TJP1: variants seen among roughly 807,000 people sequenced by gnomAD.
TJP1 encodes the protein tight junction protein 1.
Under a neutral mutation model 194.2 loss-of-function variants are expected in TJP1, and 43 were observed. The observed-to-expected ratio is 0.22, with a 90% CI of 0.17 to 0.29. TJP1 has a LOEUF of 0.29. Ranked by LOEUF, TJP1 falls within the 10% of genes least tolerant of loss-of-function variation. TJP1 has a pLI of 1.00. For missense variants in TJP1, 1,971 were observed against 2,185.7 expected (o/e 0.90, Z 1.96); for synonymous variants, 801 against 779.0 (o/e 1.03, Z -0.47).
At chr15:29,741,489 A>C in intron 9 of TJP1, 53 bp from the exon 10 acceptor site, 2 of 1,223,476 alleles carry the variant, frequency 1.6e-6, no homozygotes, top group Non-Finnish European at 2.4e-6. Flanking sequence ...TGGAATAATA[A>C]TGCAAGCAAC....
At chr15:29,811,305 G>GGA (rs1188969757) in intron 1 of TJP1, among the ~76,000 whole-genome samples, 1 of 151,692 alleles carries the variant, frequency 6.6e-6, no homozygotes, top group Non-Finnish European at 1.5e-5. Flanking sequence ...GGGGGAGAGC[G>GGA]GAGAGAAACT....
At chr15:29,934,914 GA>G (rs1267687236) in intron 2 of TJP1, among the ~76,000 whole-genome samples, 5 of 152,150 alleles carry the variant, frequency 3.3e-5, no homozygotes. Context: ...TTCAGTTCCT[GA>G]AATAGTCAAT....
At chr15:29,907,731 A>G (rs1158677938) in intron 2 of TJP1, among the ~76,000 whole-genome samples, 1 of 152,032 alleles carries the variant, frequency 6.6e-6, no homozygotes, top group Non-Finnish European at 1.5e-5. Flanking sequence ...TAACTTACCC[A>G]TCACATTCAT....
At chr15:29,836,135 A>C (rs974877647) in intron 2 of TJP1, among the ~76,000 whole-genome samples, 2 of 152,194 alleles carry the variant, frequency 1.3e-5, no homozygotes, top group African/African-American at 4.8e-5. Flanking sequence ...AGGAGGAAGT[A>C]AATGTGTGAG....
At chr15:29,769,100 C>A (rs1245288361) in intron 4 of TJP1, among the ~76,000 whole-genome samples, 1 of 151,968 alleles carries the variant, frequency 6.6e-6, no homozygotes, top group African/African-American at 2.4e-5. Flanking sequence ...TTCACAAAAG[C>A]AAAGAGGATA....
intron 1 of TJP1, among the ~76,000 whole-genome samples, chr15:29,821,055 A>G (rs530801050): frequency 6.6e-6 from 1 of 152,354 alleles, no homozygotes; most frequent in Non-Finnish European, 1.5e-5. Flanking sequence ...GATATTCTTT[A>G]AAGGGGAGAT....
At position 29,822,089 on chromosome 15, in the gene TJP1, G is replaced by C; in HGVS notation, c.-61C>G. 3 of 1,241,298 alleles carry C rather than the reference G, an allele frequency of 2.4e-6. No individual in the cohort carries two copies. Among genetic ancestry groups the C allele is most frequent in the Non-Finnish European group, 3.0e-6 (3 of 991,656 alleles). The allele number at this position is 1,241,298 out of a possible 1,614,324, so 76.9% of individuals were successfully genotyped here. On this transcript the variant is annotated 5_prime_UTR_variant, in exon 1 of 28. Coordinates refer to ENST00000614355, the MANE Select transcript of TJP1 (RefSeq NM_001330239.4). ...ACCCGAAACTCCGCGGCGCTGGCCCGCCCGCTCCTCACGCCACAGCCCAAA... is the reference window on the plus strand; with the variant it reads ...ACCCGAAACTCCGCGGCGCTGGCCCCCCCGCTCCTCACGCCACAGCCCAAA...
intron 10 of TJP1, chr15:29,741,006 ATT>A (rs980154124): frequency 2.3e-3 from 392 of 173,244 alleles, no homozygotes; most frequent in South Asian, 3.9e-3. Context: ...AGAAACACTG[ATT>A]TTTTTTTTTT....
chr15:29,750,557 T>C (rs1169940672), intron 8 of TJP1, among the ~76,000 whole-genome samples: 1 of 152,200 alleles, frequency 6.6e-6, no homozygotes, highest in Non-Finnish European at 1.5e-5. Flanking sequence ...AACTGTGCTT[T>C]CTGTCTCCTG....
intron 2 of TJP1, among the ~76,000 whole-genome samples, chr15:29,900,067 G>C (rs532187360): frequency 1.3e-5 from 2 of 152,078 alleles, no homozygotes; most frequent in East Asian, 3.9e-4. Context: ...AACTCAGGGT[G>C]GGGGGATGGC....
intron 2 of TJP1, among the ~76,000 whole-genome samples, chr15:29,879,016 C>A: frequency 6.6e-6 from 1 of 151,634 alleles, no homozygotes; most frequent in Admixed American, 6.6e-5. Context: ...CCCAGCTACT[C>A]GGGAGGCTGA....
intron 2 of TJP1, among the ~76,000 whole-genome samples, chr15:29,864,278 G>GT (rs2052220498): frequency 6.9e-6 from 1 of 144,652 alleles, no homozygotes; most frequent in African/African-American, 2.6e-5. Flanking sequence ...GGGTGTGGTG[G>GT]TGTGTGCCTG....
intron 15 of TJP1, chr15:29,728,380 G>A (rs1300822089): frequency 5.9e-5 from 11 of 186,276 alleles, no homozygotes; most frequent in Non-Finnish European, 1.1e-4. Context: ...GGCACACTGA[G>A]ATAAACTGAG....
intron 2 of TJP1, among the ~76,000 whole-genome samples, chr15:29,936,293 A>G (rs537334706): frequency 6.6e-6 from 1 of 152,310 alleles, no homozygotes; most frequent in African/African-American, 2.4e-5. Flanking sequence ...AAAGACTTCT[A>G]TAGAGAACAT....
At chr15:29,727,111 AG>A (rs2043288837) in intron 16 of TJP1, 120 bp from the exon 17 acceptor site, 1 of 811,082 alleles carries the variant, frequency 1.2e-6, no homozygotes, top group African/African-American at 1.7e-5. Context: ...TGGGAGGTCG[AG>A]GTGGGTGAAT....
chr15:29,962,674 A>C (rs1480436920), intron 1 of TJP1, among the ~76,000 whole-genome samples: 2 of 152,216 alleles, frequency 1.3e-5, no homozygotes, highest in African/African-American at 4.8e-5. Flanking sequence ...CTTTAAAAGG[A>C]TGCTAAATCC....
chr15:29,742,447 T>C (rs937406557), intron 9 of TJP1, among the ~76,000 whole-genome samples, 195 bp downstream of exon 9: 2 of 152,126 alleles, frequency 1.3e-5, no homozygotes, highest in African/African-American at 4.8e-5. Context: ...ATCTAGAAAG[T>C]AAAGGAAAAC....
At chr15:29,951,671 A>T (rs2055757823) in intron 2 of TJP1, among the ~76,000 whole-genome samples, 1 of 152,176 alleles carries the variant, frequency 6.6e-6, no homozygotes, top group African/African-American at 2.4e-5. Flanking sequence ...TTTTTGAAAC[A>T]TGTATCCCTT....
At chr15:29,792,077 T>C (rs1312719705) in intron 2 of TJP1, among the ~76,000 whole-genome samples, 1 of 152,204 alleles carries the variant, frequency 6.6e-6, no homozygotes, top group African/African-American at 2.4e-5. Flanking sequence ...TGTGGGTTGT[T>C]TCTTCATTTT....
Sources: allele counts gnomAD v4.1 joint callset (sites outside exome capture counted in the v4.1 genomes callset), GRCh38; gene constraint gnomAD v4.1.1; transcripts MANE v1.5; gene names NCBI Gene and HGNC (gene_info 2026-07-23, HGNC 2026-07-21).